RIMBP2: variants seen among roughly 807,000 people sequenced by gnomAD.
RIMBP2 encodes RIMS-binding protein 2.
A neutral mutation model predicts 118.6 loss-of-function variants in RIMBP2; 48 were observed. The ratio of observed to expected loss-of-function variants is 0.40; its 90% CI spans 0.32 to 0.51. RIMBP2 has a LOEUF of 0.51. Ranked by LOEUF, RIMBP2 falls within the 20% of genes least tolerant of loss-of-function variation. The pLI, the probability that RIMBP2 is intolerant of heterozygous loss-of-function variation, is 0.41. For missense variants in RIMBP2, 1,551 were observed against 1,768.3 expected, an observed-to-expected ratio of 0.88 and a Z score of 2.20; for synonymous variants, 762 against 742.9, an observed-to-expected ratio of 1.03 and a Z score of -0.42.
intron 2 of RIMBP2, among the ~76,000 whole-genome samples, chr12:130,573,389 C>T (rs547492141): frequency 3.0e-5 from 3 of 98,934 alleles, no homozygotes; most frequent in South Asian, 6.3e-4. Flanking sequence ...GATAAGTGTT[C>T]GCGCGTGTGT....
chr12:130,707,313 T>C (rs2178076), intron 1 of RIMBP2, among the ~76,000 whole-genome samples: 146,707 of 152,124 alleles, frequency 0.96, 70,985 homozygotes, highest in East Asian at 1. Context: ...GGGAGGCAAC[T>C]GGGAGGAGCA....
intron 4 of RIMBP2, among the ~76,000 whole-genome samples, chr12:130,499,176 T>C (rs1186223718): frequency 6.6e-6 from 1 of 152,134 alleles, no homozygotes; most frequent in African/African-American, 2.4e-5. Flanking sequence ...TCACTCACCA[T>C]CACAACAGCA....
At chr12:130,557,555 G>C (rs2056467979) in intron 2 of RIMBP2, among the ~76,000 whole-genome samples, 1 of 152,144 alleles carries the variant, frequency 6.6e-6, no homozygotes, top group South Asian at 2.1e-4. Context: ...GTGATGCCTA[G>C]GCAGACTCAC....
chr12:130,461,213 C>T (rs1317713853), intron 6 of RIMBP2, among the ~76,000 whole-genome samples: 1 of 152,116 alleles, frequency 6.6e-6, no homozygotes, highest in African/African-American at 2.4e-5. Context: ...GTTGTAGGGA[C>T]GCTGGCTCTG....
intron 2 of RIMBP2, among the ~76,000 whole-genome samples, chr12:130,570,217 A>C (rs2057524881): frequency 6.6e-6 from 1 of 152,166 alleles, no homozygotes. Flanking sequence ...TGAGCCTAGG[A>C]GTTTGAGATG....
rs370477541 is a variant in RIMBP2, at chr12:130,600,802, G to A, written c.-217+27520C>T. Among the ~76,000 whole-genome samples the A allele has an allele frequency of 1.8e-4, 28 of 152,270 alleles. No homozygotes were observed. The East Asian group carries it at 1.9e-3, about 10-fold the overall frequency. The stretch of plus-strand genomic sequence containing the variant: ...CCTGACTGAAATTGGCCAGAAGCCC[G>A]TGATCCGGTAGTTCATCTGAAAACT... On this transcript the variant is annotated intron_variant, in intron 2 of 22. Transcript: ENST00000690449.
chr12:130,606,182 A>AC (rs2060174072), intron 2 of RIMBP2, among the ~76,000 whole-genome samples: 1 of 152,230 alleles, frequency 6.6e-6, no homozygotes, highest in African/African-American at 2.4e-5. Context: ...AAAAAATAAA[A>AC]AATAAAAAAA....
At chr12:130,712,929 C>G (rs1364220602) in intron 1 of RIMBP2, among the ~76,000 whole-genome samples, 1 of 151,948 alleles carries the variant, frequency 6.6e-6, no homozygotes. Context: ...AAATGTCCTT[C>G]TTATGCAGGG....
rs949466329 is a variant in RIMBP2, at chr12:130,469,024, G to C, written c.153+1669C>G. On this transcript the variant is annotated intron_variant, in intron 6 of 22. Coordinates refer to ENST00000690449, the MANE Select transcript of RIMBP2 (RefSeq NM_001393629.1). The surrounding 1 kb of genome is among the most constrained non-coding windows in gnomAD (Gnocchi z 4.8). ...GGAACCCCGACCACCCCCCACCTGC[G>C]TCAGAAGCTGCAGTTCAGGAAGCAG... The C allele has an allele frequency of 6.6e-6, 1 of 152,302 alleles. No individual in the cohort carries two copies. The highest frequency in any genetic ancestry group is 2.4e-5 in the African/African-American group (1 of 41,414). 9.4% of individuals were successfully genotyped at this position (152,302 alleles called of 1,614,324 possible).
intron 2 of RIMBP2, among the ~76,000 whole-genome samples, chr12:130,541,043 C>T (rs576370255): frequency 1.3e-5 from 2 of 152,224 alleles, no homozygotes; most frequent in Admixed American, 6.5e-5. Flanking sequence ...TTGCTAACAT[C>T]GGCTATCACA....
At chr12:130,403,473 T>G (rs1214765416) in intron 21 of RIMBP2, among the ~76,000 whole-genome samples, 1 of 152,240 alleles carries the variant, frequency 6.6e-6, no homozygotes, top group African/African-American at 2.4e-5. Flanking sequence ...GCCCATTGTT[T>G]CTACATGTGA....
chr12:130,453,954 T>A (rs997162422), intron 7 of RIMBP2, among the ~76,000 whole-genome samples: 3 of 152,112 alleles, frequency 2.0e-5, no homozygotes, highest in African/African-American at 7.2e-5. Flanking sequence ...CCTGGGAGGC[T>A]GAGGCAGGAG....
Position 130,622,236 on chromosome 12 carries a change from G to A in RIMBP2, c.-217+6086C>T, listed in dbSNP as rs1412873152. Among the ~76,000 whole-genome samples, 8 of 152,276 alleles carry A rather than the reference G, an allele frequency of 5.3e-5. No individual in the cohort carries two copies. The South Asian group carries it at 1.0e-3, about 20-fold the overall frequency. On this transcript the variant is annotated intron_variant, in intron 2 of 22. Coordinates refer to ENST00000690449, the MANE Select transcript of RIMBP2 (RefSeq NM_001393629.1). The surrounding 1 kb of genome is among the most constrained non-coding windows in gnomAD (Gnocchi z 8.5). Reference sequence around the variant, plus strand: ...GGGCCTGTGGCTGACTGGAGCAGACGTGAAGCCCCCACAAGGCTGCATAGG... The same window carrying A: ...GGGCCTGTGGCTGACTGGAGCAGACATGAAGCCCCCACAAGGCTGCATAGG...
At position 130,442,001 on chromosome 12, in the gene RIMBP2, C is replaced by A; in HGVS notation, c.1351G>T (p.Ala451Ser). ...AAGAACTGGTACTTGTACCTGGCGG[C>A]CTTGACGATGTCGAACTCCTCCTCG... is the stretch of plus-strand genomic sequence containing the variant. ...LNEEEFDIVKAARYKYQFFNL... is the reference protein window; with the variant it reads ...LNEEEFDIVKSARYKYQFFNL... Residue 451 changes from alanine to serine, a missense_variant, in exon 11 of 23, where the codon GCC becomes TCC. By Grantham distance (99) the Ala-to-Ser change is moderately conservative. This residue lies in a region of RIMBP2 where 265 missense variants were observed against 349.5 expected (regional missense o/e 0.76). Coordinates refer to ENST00000690449, the MANE Select transcript of RIMBP2 (RefSeq NM_001393629.1). This position sits in a 1 kb window ranked among gnomAD's most constrained non-coding sequence, Gnocchi z 6.9. 1 of 1,614,158 alleles carries A rather than the reference C, an allele frequency of 6.2e-7. No homozygotes were observed.
intron 4 of RIMBP2, among the ~76,000 whole-genome samples, chr12:130,484,064 G>A (rs1337946466): frequency 6.6e-6 from 1 of 152,208 alleles, no homozygotes; most frequent in East Asian, 1.9e-4. Flanking sequence ...AGGATAGACT[G>A]GAGGCGAAAC....
intron 2 of RIMBP2, among the ~76,000 whole-genome samples, chr12:130,526,413 C>T (rs1199729517): frequency 6.6e-6 from 1 of 152,142 alleles, no homozygotes; most frequent in Non-Finnish European, 1.5e-5. Context: ...CATCAAAGAT[C>T]TTGCAAGAGT....
At chr12:130,409,057 G>T (rs149834373) in intron 19 of RIMBP2, among the ~76,000 whole-genome samples, 3 of 152,152 alleles carry the variant, frequency 2.0e-5, no homozygotes, top group Non-Finnish European at 2.9e-5. Context: ...ATGTTACAGG[G>T]AATGTTACAA....
intron 19 of RIMBP2, among the ~76,000 whole-genome samples, chr12:130,409,381 C>A: frequency 8.6e-6 from 1 of 116,608 alleles, no homozygotes; most frequent in Non-Finnish European, 1.6e-5. Context: ...CTCGCTCTGT[C>A]GCCCAGGCTG....
At chr12:130,460,957 C>G (rs565910435) in intron 6 of RIMBP2, among the ~76,000 whole-genome samples, 2 of 152,234 alleles carry the variant, frequency 1.3e-5, no homozygotes, top group African/African-American at 4.8e-5. Flanking sequence ...TTCTTGAAGC[C>G]TGAGAAACGC....
Sources: allele counts gnomAD v4.1 joint callset (sites outside exome capture counted in the v4.1 genomes callset), GRCh38; gene constraint gnomAD v4.1.1; regional missense constraint gnomAD v4.1.1; non-coding constraint Gnocchi (gnomAD v3.1); transcripts MANE v1.5; gene names NCBI Gene and HGNC (gene_info 2026-07-23, HGNC 2026-07-21).